The following ATF1 variants were observed in gnomAD, a reference collection of about 807,000 sequenced individuals.
ATF1 encodes the protein activating transcription factor 1.
ATF1 carries 16 observed loss-of-function variants against 34.7 expected under a neutral mutation model. The ratio of observed to expected loss-of-function variants is 0.46; its 90% CI spans 0.31 to 0.70. The LOEUF (loss-of-function observed/expected upper bound fraction) is 0.70. Among genes scored for constraint, ATF1 ranks in the 30% least tolerant of loss-of-function variants. The pLI is 0.05. For missense variants in ATF1, 255 were observed against 321.6 expected, an observed-to-expected ratio of 0.79 and a Z score of 1.58; for synonymous variants, 105 against 113.1, an observed-to-expected ratio of 0.93 and a Z score of 0.46.
At chr12:50,788,358 T>A (rs758932586) in intron 2 of ATF1, 16 of 364,870 alleles carry the variant, frequency 4.4e-5, no homozygotes, top group South Asian at 3.2e-4. Flanking sequence ...AAACTTTTTG[T>A]ATTTTTTTGT....
At chr12:50,764,385 C>A (rs2139628151) in intron 1 of ATF1, 78 bp downstream of exon 1, 1 of 150,264 alleles carries the variant, frequency 6.7e-6, no homozygotes, top group South Asian at 2.1e-4. Flanking sequence ...GGCGGGGACG[C>A]AGCGCGGGTC....
intron 6 of ATF1, among the ~76,000 whole-genome samples, chr12:50,819,360 G>A (rs1044718791): frequency 8.3e-4 from 127 of 152,262 alleles, no homozygotes; most frequent in African/African-American, 2.9e-3. Context: ...AAATCAAAAC[G>A]ATAGTTGCTT....
At chr12:50,779,009 A>G (rs962924009) in intron 1 of ATF1, among the ~76,000 whole-genome samples, 1 of 152,200 alleles carries the variant, frequency 6.6e-6, no homozygotes, top group African/African-American at 2.4e-5. Flanking sequence ...TAGTGGAATC[A>G]TAAAGTTTTT....
chr12:50,814,374 C>A lies in ATF1; in HGVS notation c.606C>A (p.Leu202=). 6.2e-7 allele frequency: 1 copy of A among 1,614,122 alleles called. No individual in the cohort carries two copies. The highest frequency in any genetic ancestry group is 1.1e-5 in the South Asian group (1 of 91,080). ...QTVVMTSPVT[L]TSQTTKTDDP... ...TGGTGATGACATCTCCTGTGACTCT[C>A]ACCTCTCAGACAACTAAGACAGATG... Residue 202 remains leucine, a synonymous_variant, in exon 6 of 7, where the codon CTC becomes CTA. Transcript: ENST00000262053.
intron 1 of ATF1, among the ~76,000 whole-genome samples, chr12:50,764,946 CCTTTGGGATGGGCGA>C (rs1940594888): frequency 6.6e-6 from 1 of 152,076 alleles, no homozygotes; most frequent in African/African-American, 2.4e-5. Flanking sequence ...GCGTCTGTAC[CCTTTGGGATGGGCGA>C]CCCAGCCGAG....
At chr12:50,810,437 C>CA (rs1479044163) in intron 4 of ATF1, among the ~76,000 whole-genome samples, 1 of 151,534 alleles carries the variant, frequency 6.6e-6, no homozygotes, top group Non-Finnish European at 1.5e-5. Flanking sequence ...AGGCTGGTCT[C>CA]AAACTCCTCC....
At chr12:50,780,011 T>C in intron 1 of ATF1, 129 bp from the exon 2 acceptor site, 1 of 558,286 alleles carries the variant, frequency 1.8e-6, no homozygotes, top group Non-Finnish European at 2.9e-6. Flanking sequence ...CCCCTTTCTA[T>C]CTCTATACCA....
At chr12:50,767,618 A>G (rs1940671385) in intron 1 of ATF1, among the ~76,000 whole-genome samples, 1 of 152,210 alleles carries the variant, frequency 6.6e-6, no homozygotes. Flanking sequence ...CCCTGTAACA[A>G]ATAAAAGACT....
chr12:50,768,476 A>G (rs1011863495), intron 1 of ATF1, among the ~76,000 whole-genome samples: 5 of 152,260 alleles, frequency 3.3e-5, no homozygotes, highest in African/African-American at 1.2e-4. Flanking sequence ...AACAAGAGGC[A>G]CCAGAGACCC....
At chr12:50,780,267 G>A in intron 2 of ATF1, 29 bp downstream of exon 2, 4 of 1,491,138 alleles carry the variant, frequency 2.7e-6, no homozygotes, top group Non-Finnish European at 3.7e-6. Flanking sequence ...AAAATACTGA[G>A]CTTGTTAGGA....
intron 3 of ATF1, among the ~76,000 whole-genome samples, chr12:50,804,032 T>C (rs979076876): frequency 2.6e-5 from 4 of 152,216 alleles, no homozygotes; most frequent in African/African-American, 4.8e-5. Context: ...ATAGTGGTGG[T>C]TGCACAACTG....
intron 2 of ATF1, among the ~76,000 whole-genome samples, chr12:50,789,742 G>A (rs946432285): frequency 1.3e-5 from 2 of 152,030 alleles, no homozygotes; most frequent in Admixed American, 1.3e-4. Context: ...TTGACAGAGT[G>A]AGACCCTGCC....
intron 1 of ATF1, among the ~76,000 whole-genome samples, chr12:50,775,429 A>G (rs1940894046): frequency 6.6e-6 from 1 of 152,088 alleles, no homozygotes; most frequent in African/African-American, 2.4e-5. Flanking sequence ...TGGCATGATA[A>G]TGGCCCACTG....
At chr12:50,778,008 C>G (rs1012451249) in intron 1 of ATF1, among the ~76,000 whole-genome samples, 2 of 150,098 alleles carry the variant, frequency 1.3e-5, no homozygotes, top group Non-Finnish European at 3.0e-5. Context: ...GCCTTGACTC[C>G]TGGGCTGCAG....
At chr12:50,801,862 A>G (rs1019593170) in intron 3 of ATF1, among the ~76,000 whole-genome samples, 2 of 152,062 alleles carry the variant, frequency 1.3e-5, no homozygotes, top group African/African-American at 4.8e-5. Flanking sequence ...TAACATCCTA[A>G]TAAGAAAATA....
chr12:50,773,792 A>C (rs1940842005), intron 1 of ATF1, among the ~76,000 whole-genome samples: 1 of 151,590 alleles, frequency 6.6e-6, no homozygotes, highest in Admixed American at 6.6e-5. Context: ...GTTTTGCCAT[A>C]TTGGCCAGGC....
Position 50,821,066 on chromosome 12 carries a change from C to G in ATF1, c.*1287C>G. The G allele has an allele frequency of 5.6e-6, 1 of 179,694 alleles. No homozygotes were observed. Among genetic ancestry groups the G allele is most frequent in the Non-Finnish European group, 1.2e-5 (1 of 83,902 alleles). 11.1% of individuals were successfully genotyped at this position (179,694 alleles called of 1,614,324 possible). A position where few individuals can be genotyped will look rare whatever the true frequency, so the allele number is the denominator to read the frequency against. ...AATTGTACTGCAAAACTATTGTGTG[C>G]TCTTACACAGTATGCATCATATTGT... is the stretch of plus-strand genomic sequence containing the variant. On this transcript the variant is annotated 3_prime_UTR_variant, in exon 7 of 7. Coordinates refer to ENST00000262053, the MANE Select transcript of ATF1 (RefSeq NM_005171.5).
chr12:50,783,983 A>G (rs1186495748), intron 2 of ATF1, among the ~76,000 whole-genome samples: 4 of 152,048 alleles, frequency 2.6e-5, no homozygotes, highest in African/African-American at 9.7e-5. Flanking sequence ...CAACATAGTG[A>G]GACTCTGTCT....
At chr12:50,803,098 T>TAAAA (rs746106904) in intron 3 of ATF1, among the ~76,000 whole-genome samples, 2 of 141,042 alleles carry the variant, frequency 1.4e-5, no homozygotes, top group African/African-American at 5.2e-5. Context: ...CCGTCTCTAC[T>TAAAA]AAAAAAAAAA....
Sources: gnomAD v4.1 joint callset for allele counts (sites outside exome capture counted in the v4.1 genomes callset) on GRCh38, gnomAD v4.1.1 for gene constraint, MANE v1.5 for transcripts, NCBI Gene and HGNC (gene_info 2026-07-23, HGNC 2026-07-21) for gene names.